The following MTRF1 variants were observed in gnomAD, a reference collection of about 807,000 sequenced individuals.
MTRF1 encodes mitochondrial translation release factor 1, also known as peptide chain release factor 1, mitochondrial.
Under a neutral mutation model 62.9 loss-of-function variants are expected in MTRF1, and 51 were observed. That is an observed-to-expected ratio of 0.81 (90% CI 0.65 to 1.02). The LOEUF (loss-of-function observed/expected upper bound fraction) is 1.02. Among genes scored for constraint, MTRF1 ranks in the 50% least tolerant of loss-of-function variants. The pLI is 0.00. For missense variants in MTRF1, 446 were observed against 530.0 expected, an observed-to-expected ratio of 0.84 and a Z score of 1.56; for synonymous variants, 158 against 181.9, an observed-to-expected ratio of 0.87 and a Z score of 1.06.
the MTRF1 span, among the ~76,000 whole-genome samples, chr13:41,306,526 A>C: frequency 6.6e-5 from 10 of 152,236 alleles, no homozygotes; most frequent in Non-Finnish European, 1.3e-4. Context: ...TGGCTGTGGG[A>C]ATAGCAGCAA....
rs111271213 is a variant in MTRF1 at position 41,241,772 on chromosome 13, G to C, written c.698-1339C>G. Reference sequence around the variant, plus strand: ...CTGTTTTTGCAGACTGCATATTCTTGGTGCAAGTCACCCTGTTCTGCTGCC... The same window carrying C: ...CTGTTTTTGCAGACTGCATATTCTTCGTGCAAGTCACCCTGTTCTGCTGCC... On this transcript the variant is annotated intron_variant, in intron 5 of 9. Transcript: ENST00000379480. 5.4e-3 allele frequency among the ~76,000 whole-genome samples: 829 copies of C among 152,288 alleles called. 7 individuals are homozygous for C. Among genetic ancestry groups the C allele is most frequent in the African/African-American group, 0.018 (747 of 41,564 alleles).
the MTRF1 span, among the ~76,000 whole-genome samples, chr13:41,307,195 C>G: frequency 1.3e-5 from 2 of 152,138 alleles, no homozygotes; most frequent in African/African-American, 2.4e-5. Flanking sequence ...GTGCCCCCCC[C>G]ACCCCAATCT....
At chr13:41,262,506 A>T (rs2139224408) in intron 1 of MTRF1, 1 of 152,306 alleles carries the variant, frequency 6.6e-6, no homozygotes, top group Non-Finnish European at 1.5e-5. Context: ...AGATTAGTTT[A>T]AAAAATTACA....
chr13:41,308,235 C>T, the MTRF1 span, among the ~76,000 whole-genome samples: 1 of 152,092 alleles, frequency 6.6e-6, no homozygotes, highest in Non-Finnish European at 1.5e-5. Context: ...AAAAGATAAT[C>T]GTTCCTTGTC....
At chr13:41,311,329 C>T in the MTRF1 span, 17,593 of 589,310 alleles carry the variant, frequency 0.03, 319 homozygotes, top group Middle Eastern at 0.062. Flanking sequence ...GGAAGCGTGT[C>T]CTGCTCAGAC....
chr13:41,283,250 C>A, the MTRF1 span, among the ~76,000 whole-genome samples: 2 of 152,288 alleles, frequency 1.3e-5, no homozygotes, highest in Middle Eastern at 3.4e-3. Flanking sequence ...GGTGGTTGAT[C>A]CTGTATAAAC....
the MTRF1 span, among the ~76,000 whole-genome samples, chr13:41,300,982 T>C: frequency 6.6e-6 from 1 of 152,344 alleles, no homozygotes; most frequent in South Asian, 2.1e-4. Flanking sequence ...ATCAGATTGC[T>C]CTGAGCTATT....
the MTRF1 span, among the ~76,000 whole-genome samples, chr13:41,272,726 C>A: frequency 6.6e-6 from 1 of 152,294 alleles, no homozygotes; most frequent in Non-Finnish European, 1.5e-5. Flanking sequence ...AAGAAAAACA[C>A]TTGAACTCAT....
rs115154060 is a variant in MTRF1, at chr13:41,238,493, A to G, written c.870+1768T>C. ...TGCAAGTGTGGGGTAGGAGGTGAGA[A>G]GGTAGTAGGGAGGAAAGTTCTTTAC... On this transcript the variant is annotated intron_variant, in intron 6 of 9. Transcript: ENST00000379480. Among the ~76,000 whole-genome samples the G allele has an allele frequency of 9.3e-3, 1,419 of 152,292 alleles. 21 individuals carry two copies. Among genetic ancestry groups the G allele is most frequent in the African/African-American group, 0.032 (1,339 of 41,562 alleles).
the MTRF1 span, among the ~76,000 whole-genome samples, chr13:41,288,592 G>C: frequency 6.6e-6 from 1 of 152,196 alleles, no homozygotes; most frequent in African/African-American, 2.4e-5. Context: ...ATTTAGGTGA[G>C]TGCAAAAGTA....
intron 6 of MTRF1, among the ~76,000 whole-genome samples, chr13:41,234,915 A>G (rs1401626790): frequency 6.6e-6 from 1 of 152,144 alleles, no homozygotes; most frequent in Non-Finnish European, 1.5e-5. Flanking sequence ...CTGGGTTTGA[A>G]TCTGAACTCT....
chr13:41,252,553 T>G (rs1016790959), intron 5 of MTRF1, 92 bp downstream of exon 5: 1 of 963,962 alleles, frequency 1.0e-6, no homozygotes, highest in African/African-American at 1.7e-5. Flanking sequence ...ACCAAAAGTT[T>G]CAAAAAAAAA....
the MTRF1 span, among the ~76,000 whole-genome samples, chr13:41,297,278 A>C: frequency 0.1 from 15,719 of 152,242 alleles, 1,147 homozygotes; most frequent in Admixed American, 0.18. Flanking sequence ...CCCCAAGGCT[A>C]GTGGGCGACC....
At position 41,252,858 on chromosome 13, in the gene MTRF1, C is replaced by A. The variant is rs144214413; in HGVS notation, c.589+91G>T. The A allele has an allele frequency of 8.0e-4, 1,096 of 1,365,474 alleles. 3 individuals are homozygous for A. The highest frequency in any genetic ancestry group is 7.6e-3 in the African/African-American group (517 of 68,204). 84.6% of individuals were successfully genotyped at this position (1,365,474 alleles called of 1,614,324 possible). On this transcript the variant is annotated intron_variant, in intron 4 of 9. Coordinates refer to ENST00000379480, the MANE Select transcript of MTRF1 (RefSeq NM_004294.4). ...GAATAACTATTTCCAAATTTAAATA[C>A]ATTTAATGGACTTTTAAAGTTAGTG...
At chr13:41,273,196 G>A in the MTRF1 span, among the ~76,000 whole-genome samples, 1 of 151,836 alleles carries the variant, frequency 6.6e-6, no homozygotes, top group Non-Finnish European at 1.5e-5. Context: ...CGTGGTGGTG[G>A]GCGCCTGTAG....
chr13:41,297,758 G>A, the MTRF1 span, among the ~76,000 whole-genome samples: 1 of 151,682 alleles, frequency 6.6e-6, no homozygotes, highest in African/African-American at 2.4e-5. Flanking sequence ...TTTATTTTTA[G>A]TAGAGATGGG....
the MTRF1 span, among the ~76,000 whole-genome samples, chr13:41,303,937 T>C: frequency 6.6e-6 from 1 of 152,198 alleles, no homozygotes; most frequent in Non-Finnish European, 1.5e-5. Flanking sequence ...AAATAAGCAT[T>C]GTACCTAGGG....
chr13:41,274,066 A>AG, the MTRF1 span, among the ~76,000 whole-genome samples: 1 of 152,234 alleles, frequency 6.6e-6, no homozygotes, highest in Non-Finnish European at 1.5e-5. Context: ...AATGGGAGGC[A>AG]GGTTTTGCCC....
chr13:41,304,681 G>T, the MTRF1 span, among the ~76,000 whole-genome samples: 9 of 152,340 alleles, frequency 5.9e-5, no homozygotes, highest in African/African-American at 2.2e-4. Flanking sequence ...CTCCATTTAT[G>T]TAGATGAAGG....
Sources: gnomAD v4.1 joint callset for allele counts (sites outside exome capture counted in the v4.1 genomes callset) on GRCh38, gnomAD v4.1.1 for gene constraint, MANE v1.5 for transcripts, NCBI Gene and HGNC (gene_info 2026-07-23, HGNC 2026-07-21) for gene names.